SDK1: variants seen among roughly 807,000 people sequenced by gnomAD.
The protein encoded by SDK1 is protein sidekick-1.
SDK1 carries 157 observed loss-of-function variants against 245.5 expected under a neutral mutation model. That is an observed-to-expected ratio of 0.64 (90% CI 0.56 to 0.73). The LOEUF is 0.73. Among genes scored for constraint, SDK1 ranks in the 30% least tolerant of loss-of-function variants. SDK1 has a pLI of 0.00. For synonymous variants in SDK1, 1,647 were observed against 1,278.5 expected, an observed-to-expected ratio of 1.29 and a Z score of -6.15; for missense variants, 3,583 against 3,002.3, an observed-to-expected ratio of 1.19 and a Z score of -4.52.
At chr7:3,932,907 G>A (rs141693025) in intron 5 of SDK1, among the ~76,000 whole-genome samples, 30 of 152,200 alleles carry the variant, frequency 2.0e-4, no homozygotes, top group African/African-American at 6.5e-4. Context: ...GGGTGTGGCC[G>A]ATTGTGCTGA....
chr7:3,504,825 G>A (rs960782868), intron 1 of SDK1, among the ~76,000 whole-genome samples: 1 of 151,074 alleles, frequency 6.6e-6, no homozygotes, highest in Non-Finnish European at 1.5e-5. Context: ...GTAAAATGGT[G>A]CAACCACTTT....
chr7:4,119,402 C>T (rs930081638), intron 25 of SDK1, among the ~76,000 whole-genome samples: 1 of 148,608 alleles, frequency 6.7e-6, no homozygotes, highest in East Asian at 1.9e-4. Context: ...CTGCCATGAA[C>T]TACGATCATA....
chr7:3,932,765 C>T (rs1027324953), intron 5 of SDK1, among the ~76,000 whole-genome samples: 1 of 152,192 alleles, frequency 6.6e-6, no homozygotes, highest in African/African-American at 2.4e-5. Context: ...TTTCTCTGCT[C>T]CTGGTCCAAA....
At chr7:3,889,231 T>C (rs1444363883) in intron 5 of SDK1, among the ~76,000 whole-genome samples, 1 of 152,240 alleles carries the variant, frequency 6.6e-6, no homozygotes. Context: ...TCCTAATACT[T>C]CTTTATACTC....
chr7:4,044,971 T>C (rs1788913613), intron 17 of SDK1, among the ~76,000 whole-genome samples: 1 of 152,314 alleles, frequency 6.6e-6, no homozygotes, highest in Non-Finnish European at 1.5e-5. Context: ...CTGCTGTTTT[T>C]TCTTCTTATA....
At chr7:4,252,805 G>T (rs1451109255) in intron 44 of SDK1, among the ~76,000 whole-genome samples, 2 of 148,324 alleles carry the variant, frequency 1.3e-5, no homozygotes, top group African/African-American at 2.5e-5. Flanking sequence ...CTGTTTATTG[G>T]CTATAGATTT....
intron 1 of SDK1, among the ~76,000 whole-genome samples, chr7:3,607,455 C>A (rs1583220641): frequency 6.6e-6 from 1 of 152,174 alleles, no homozygotes; most frequent in African/African-American, 2.4e-5. Flanking sequence ...AAGATAAGCT[C>A]CATGAAGGTG....
intron 1 of SDK1, among the ~76,000 whole-genome samples, chr7:3,604,375 T>C (rs574944482): frequency 3.3e-5 from 5 of 152,156 alleles, no homozygotes; most frequent in Non-Finnish European, 7.3e-5. Flanking sequence ...TTTTCTTCCT[T>C]AAATTTATTT....
chr7:3,934,018 G>T (rs913714405), intron 5 of SDK1, among the ~76,000 whole-genome samples: 11 of 152,332 alleles, frequency 7.2e-5, no homozygotes, highest in Admixed American at 2.0e-4. Flanking sequence ...GTAACAAACA[G>T]TCCTGGGGGC....
intron 1 of SDK1, among the ~76,000 whole-genome samples, chr7:3,375,273 C>T (rs915044327): frequency 2.0e-5 from 3 of 151,968 alleles, no homozygotes; most frequent in African/African-American, 7.3e-5. Context: ...TATGCTAAAG[C>T]TGTAATTGTT....
intron 35 of SDK1, among the ~76,000 whole-genome samples, chr7:4,186,686 C>T (rs1273478526): frequency 6.6e-6 from 1 of 152,118 alleles, no homozygotes; most frequent in Non-Finnish European, 1.5e-5. Flanking sequence ...CCCCGCTGCT[C>T]CAGCTTCCTA....
At chr7:3,361,064 G>A (rs55816753) in intron 1 of SDK1, among the ~76,000 whole-genome samples, 53,369 of 151,980 alleles carry the variant, frequency 0.35, 11,558 homozygotes, top group African/African-American at 0.61. Flanking sequence ...ACAGACTGTT[G>A]TACTTTAAAA....
At chr7:3,845,950 A>G (rs1780267468) in intron 5 of SDK1, among the ~76,000 whole-genome samples, 3 of 152,234 alleles carry the variant, frequency 2.0e-5, no homozygotes, top group Admixed American at 2.0e-4. Context: ...ACAACTTTGC[A>G]GAAATCCCAT....
At chr7:3,903,253 C>G (rs1206940155) in intron 5 of SDK1, among the ~76,000 whole-genome samples, 1 of 151,536 alleles carries the variant, frequency 6.6e-6, no homozygotes, top group Non-Finnish European at 1.5e-5. Flanking sequence ...ACTCCATTCT[C>G]CTGCCTCAGC....
chr7:4,210,031 G>C lies in SDK1; in HGVS notation c.5408G>C (p.Gly1803Ala), dbSNP rs1415231561. 1 of 1,584,046 alleles carries C rather than the reference G, an allele frequency of 6.3e-7. No individual in the cohort carries two copies. ...TTGTGTTCTATTCTCCCAGCCCCTG[G>C]GGCCCCCAGCTTTCTGGCGTTCTCA... ...QQGRTHQAAP[G>A]APSFLAFSEI... Residue 1803 changes from glycine to alanine, a missense_variant, in exon 38 of 45, where the codon GGG becomes GCG. Physicochemically the swap from Gly to Ala is moderately conservative, Grantham distance 60 (BLOSUM62 0). Transcript: ENST00000404826.
At chr7:3,909,952 A>G (rs1779107002) in intron 5 of SDK1, among the ~76,000 whole-genome samples, 1 of 152,220 alleles carries the variant, frequency 6.6e-6, no homozygotes, top group Non-Finnish European at 1.5e-5. Context: ...TTCATGTTAG[A>G]AAAAGTAGAG....
At chr7:4,074,210 T>G (rs1248646449) in intron 20 of SDK1, among the ~76,000 whole-genome samples, 1 of 152,062 alleles carries the variant, frequency 6.6e-6, no homozygotes, top group Non-Finnish European at 1.5e-5. Flanking sequence ...CTAAACTTCT[T>G]TGGTTGGGGT....
chr7:3,940,770 G>A (rs766593055), intron 5 of SDK1, among the ~76,000 whole-genome samples: 2 of 152,000 alleles, frequency 1.3e-5, no homozygotes, highest in Non-Finnish European at 2.9e-5. Context: ...GCAGTGAGCC[G>A]AGATCATGCC....
chr7:3,401,905 G>A (rs181267172), intron 1 of SDK1, among the ~76,000 whole-genome samples: 317 of 152,210 alleles, frequency 2.1e-3, no homozygotes, highest in African/African-American at 7.4e-3. Context: ...AGTGCATGGC[G>A]TTTGCTAGGA....
Sources: gnomAD v4.1 joint callset for allele counts (sites outside exome capture counted in the v4.1 genomes callset) on GRCh38, gnomAD v4.1.1 for gene constraint, MANE v1.5 for transcripts, NCBI Gene and HGNC (gene_info 2026-07-23, HGNC 2026-07-21) for gene names.